CADPS: variants seen among roughly 807,000 people sequenced by gnomAD.
The protein encoded by CADPS is calcium-dependent secretion activator 1.
A neutral mutation model predicts 167.3 loss-of-function variants in CADPS; 57 were observed. The observed-to-expected ratio is 0.34, with a 90% CI of 0.28 to 0.42. The LOEUF (loss-of-function observed/expected upper bound fraction) is 0.42, where lower values mean the gene tolerates loss of function less well. Ranked by LOEUF, CADPS falls within the 20% of genes least tolerant of loss-of-function variation. CADPS has a pLI of 1.00. For synonymous variants in CADPS, 676 were observed against 635.3 expected (o/e 1.06, Z -0.96); for missense variants, 1,414 against 1,738.1 (o/e 0.81, Z 3.32).
At position 62,458,694 on chromosome 3, in the gene CADPS, G is replaced by T. The variant is rs1035184758; in HGVS notation, c.3636+6673C>A. On this transcript the variant is annotated intron_variant, in intron 26 of 29. Coordinates refer to ENST00000383710, the MANE Select transcript of CADPS (RefSeq NM_003716.4). This position sits in a 1 kb window ranked among gnomAD's most constrained non-coding sequence, Gnocchi z 4.6. ...AGTAGAGATGGAGTTTCACCATGTT[G>T]GCCAGGCTGGTCTCAAATTCCTGAC... Among the ~76,000 whole-genome samples the T allele has an allele frequency of 2.0e-5, 3 of 152,016 alleles. No individual in the cohort carries two copies. The highest frequency in any genetic ancestry group is 7.2e-5 in the African/African-American group (3 of 41,394).
At chr3:62,506,141 G>A (rs1398115758) in intron 17 of CADPS, among the ~76,000 whole-genome samples, 1 of 152,118 alleles carries the variant, frequency 6.6e-6, no homozygotes, top group Non-Finnish European at 1.5e-5. Flanking sequence ...TGTAATCCCG[G>A]CACTTTGGGA....
At position 62,399,379 on chromosome 3, in the gene CADPS, T is replaced by C. The variant is rs750520433; in HGVS notation, c.*27A>G. On this transcript the variant is annotated 3_prime_UTR_variant, in exon 30 of 30. Transcript: ENST00000383710. This position sits in a 1 kb window ranked among gnomAD's most constrained non-coding sequence, Gnocchi z 5.6. ...GACATGCACTGATTACAGGACTCTG[T>C]CCCAGCAGACTCTAGGACCAAATGG... 4.3e-6 allele frequency: 7 copies of C among 1,611,916 alleles called. No individual in the cohort carries two copies. The South Asian group carries it at 7.7e-5, about 18-fold the overall frequency.
At chr3:62,564,762 A>G (rs1043437197) in intron 9 of CADPS, among the ~76,000 whole-genome samples, 4 of 151,816 alleles carry the variant, frequency 2.6e-5, no homozygotes, top group African/African-American at 9.7e-5. Context: ...ACATGCCACC[A>G]TGCCCAGGTA....
At chr3:62,628,155 A>G (rs2064480203) in intron 6 of CADPS, among the ~76,000 whole-genome samples, 1 of 152,192 alleles carries the variant, frequency 6.6e-6, no homozygotes, top group Non-Finnish European at 1.5e-5. Flanking sequence ...GATTGGAGAG[A>G]AACACTCCCT....
At chr3:62,823,687 C>T (rs137915546) in intron 1 of CADPS, among the ~76,000 whole-genome samples, 1 of 152,306 alleles carries the variant, frequency 6.6e-6, no homozygotes, top group Non-Finnish European at 1.5e-5. Flanking sequence ...CTTTGATTGA[C>T]AGTTACAGTC....
chr3:62,737,487 C>CA (rs35701593), intron 3 of CADPS, among the ~76,000 whole-genome samples: 10 of 149,898 alleles, frequency 6.7e-5, no homozygotes, highest in East Asian at 5.9e-4. Flanking sequence ...AAAAAAAAAG[C>CA]AAAAAAAAGA....
intron 3 of CADPS, among the ~76,000 whole-genome samples, chr3:62,731,369 T>C (rs1428215926): frequency 6.6e-6 from 1 of 152,046 alleles, no homozygotes; most frequent in Non-Finnish European, 1.5e-5. Flanking sequence ...GCTGCCTACT[T>C]TGGAGGTATA....
At chr3:62,870,381 T>C (rs2153222731) in intron 1 of CADPS, among the ~76,000 whole-genome samples, 1 of 152,266 alleles carries the variant, frequency 6.6e-6, no homozygotes, top group Admixed American at 6.5e-5. Context: ...AACACACACA[T>C]ACTTGCGCTC....
At chr3:62,845,112 G>A (rs2077201370) in intron 1 of CADPS, among the ~76,000 whole-genome samples, 1 of 152,154 alleles carries the variant, frequency 6.6e-6, no homozygotes, top group African/African-American at 2.4e-5. Flanking sequence ...GTTCTAAGTG[G>A]TTCCTGCTCC....
chr3:62,656,169 C>G (rs538839517), intron 4 of CADPS, among the ~76,000 whole-genome samples: 2 of 152,108 alleles, frequency 1.3e-5, no homozygotes, highest in Non-Finnish European at 2.9e-5. Flanking sequence ...ACACACACAG[C>G]CTCTCTTTAC....
intron 11 of CADPS, among the ~76,000 whole-genome samples, chr3:62,548,466 A>G (rs2076843306): frequency 6.6e-6 from 1 of 152,228 alleles, no homozygotes; most frequent in Non-Finnish European, 1.5e-5. Context: ...CACCATCAGT[A>G]CTGGACAGGA....
At chr3:62,733,766 T>A (rs2078409377) in intron 3 of CADPS, among the ~76,000 whole-genome samples, 1 of 149,860 alleles carries the variant, frequency 6.7e-6, no homozygotes, top group African/African-American at 2.5e-5. Flanking sequence ...TAGTGGTGAT[T>A]TCTGAGATGC....
chr3:62,807,195 A>C (rs773511864), intron 1 of CADPS, among the ~76,000 whole-genome samples: 1 of 152,158 alleles, frequency 6.6e-6, no homozygotes, highest in Non-Finnish European at 1.5e-5. Flanking sequence ...ACACTGGGGA[A>C]TCTTCATCAA....
chr3:62,558,448 C>G (rs946160631), intron 9 of CADPS, among the ~76,000 whole-genome samples: 1 of 152,250 alleles, frequency 6.6e-6, no homozygotes, highest in African/African-American at 2.4e-5. Context: ...GCTAAATGCT[C>G]TCAGGCATAT....
At chr3:62,694,566 A>G (rs2079910640) in intron 3 of CADPS, among the ~76,000 whole-genome samples, 1 of 152,026 alleles carries the variant, frequency 6.6e-6, no homozygotes, top group Non-Finnish European at 1.5e-5. Context: ...TCCTCATTGT[A>G]ATATTCTGGA....
chr3:62,696,271 G>A (rs1387639156), intron 3 of CADPS, among the ~76,000 whole-genome samples: 1 of 152,140 alleles, frequency 6.6e-6, no homozygotes, highest in Admixed American at 6.5e-5. Flanking sequence ...CAGGGTGGGA[G>A]AGGGAACAGG....
intron 11 of CADPS, among the ~76,000 whole-genome samples, chr3:62,547,720 C>T (rs532101331): frequency 6.6e-6 from 1 of 151,930 alleles, no homozygotes; most frequent in Admixed American, 6.6e-5. Flanking sequence ...CTGCTGATGC[C>T]TAACAACTAG....
rs1370886500 is a variant in CADPS, at chr3:62,835,709, T to C, written c.441+38880A>G. 2.6e-5 allele frequency among the ~76,000 whole-genome samples: 4 copies of C among 152,136 alleles called. No individual in the cohort carries two copies. In the East Asian group the frequency reaches 5.8e-4, roughly 22 times the overall value. ...GCTGCGTAGTATTGCCAGGAAAAAG[T>C]GTCAGACATTCTCCTGTATACTGTG... On this transcript the variant is annotated intron_variant, in intron 1 of 29. Transcript: ENST00000383710.
At chr3:62,614,123 T>C (rs1019927205) in intron 6 of CADPS, among the ~76,000 whole-genome samples, 7 of 152,164 alleles carry the variant, frequency 4.6e-5, no homozygotes, top group Non-Finnish European at 1.0e-4. Context: ...GCCTAACAGC[T>C]CCTATTTATT....
Sources: allele counts gnomAD v4.1 joint callset (sites outside exome capture counted in the v4.1 genomes callset), GRCh38; gene constraint gnomAD v4.1.1; non-coding constraint Gnocchi (gnomAD v3.1); transcripts MANE v1.5; gene names NCBI Gene and HGNC (gene_info 2026-07-23, HGNC 2026-07-21).